The following RTF1 variants were observed in gnomAD, a reference collection of about 807,000 sequenced individuals.
RTF1 encodes RTF1 homolog, Paf1/RNA polymerase II complex component.
In RTF1, 10 loss-of-function variants were observed where a neutral mutation model predicts 95.7. The observed-to-expected ratio is 0.10, with a 90% CI of 0.06 to 0.18. The LOEUF is 0.18. Among genes scored for constraint, RTF1 ranks in the 10% least tolerant of loss-of-function variants. The pLI, the probability that RTF1 is intolerant of heterozygous loss-of-function variation, is 1.00. For synonymous variants in RTF1, 305 were observed against 311.8 expected (o/e 0.98, Z 0.23); for missense variants, 458 against 875.6 (o/e 0.52, Z 6.02).
At chr15:41,426,777 ATATATGTG>A (rs1379507144) in intron 1 of RTF1, among the ~76,000 whole-genome samples, 5 of 47,176 alleles carry the variant, frequency 1.1e-4, no homozygotes, top group African/African-American at 3.0e-4. Flanking sequence ...GCCGCTACAT[ATATATGTG>A]TGTGTGTGTG....
chr15:41,421,362 A>G (rs2050599628), intron 1 of RTF1, among the ~76,000 whole-genome samples: 1 of 152,090 alleles, frequency 6.6e-6, no homozygotes, highest in African/African-American at 2.4e-5. Context: ...AGGCTGAGGC[A>G]GGAGAATCAC....
chr15:41,471,423 GA>G (rs998942754), intron 8 of RTF1, 74 bp downstream of exon 8: 1 of 1,438,456 alleles, frequency 7.0e-7, no homozygotes, highest in Non-Finnish European at 9.4e-7. Context: ...AGGAGCTACT[GA>G]AAAAATCGAT....
At position 41,417,152 on chromosome 15, in the gene RTF1, G is replaced by A. The variant is rs1239643755; in HGVS notation, c.37G>A (p.Ala13Thr). 4 of 1,260,108 alleles carry A rather than the reference G, an allele frequency of 3.2e-6. No homozygotes were observed. Among genetic ancestry groups the A allele is most frequent in the Non-Finnish European group, 4.0e-6 (4 of 998,502 alleles). 78.1% of individuals were successfully genotyped at this position (1,260,108 alleles called of 1,614,324 possible). The change falls in exon 1 of 18, where the codon GCG (alanine) becomes ACG (threonine). Residue 13 changes from alanine to threonine, a missense_variant. Ala to Thr is a moderately conservative substitution (Grantham distance 58, BLOSUM62 0). Around this residue, in one of 11 missense-constraint regions of RTF1, gnomAD observed 81 missense variants for 59.9 expected, o/e 1.35. Coordinates refer to ENST00000389629, the MANE Select transcript of RTF1 (RefSeq NM_015138.5). ...GRLCVGRAAAAAAAVAVPLAG... is the reference protein window; with the variant it reads ...GRLCVGRAAATAAAVAVPLAG... ...CCTTTGTGTGGGTCGAGCAGCGGCGGCGGCGGCGGCAGTGGCGGTCCCACT... is the reference window on the plus strand; with the variant it reads ...CCTTTGTGTGGGTCGAGCAGCGGCGACGGCGGCGGCAGTGGCGGTCCCACT...
At chr15:41,450,013 T>A (rs541805287) in intron 2 of RTF1, among the ~76,000 whole-genome samples, 1 of 151,860 alleles carries the variant, frequency 6.6e-6, no homozygotes, top group South Asian at 2.1e-4. Flanking sequence ...CTTGGTAACA[T>A]AGTGAGACCT....
At chr15:41,435,575 T>C (rs375727992) in intron 1 of RTF1, among the ~76,000 whole-genome samples, 1 of 152,160 alleles carries the variant, frequency 6.6e-6, no homozygotes, top group Admixed American at 6.6e-5. Flanking sequence ...GAGTATGATT[T>C]CAGTCTTTCA....
chr15:41,446,825 C>T (rs938245994), intron 2 of RTF1, among the ~76,000 whole-genome samples: 4 of 144,324 alleles, frequency 2.8e-5, no homozygotes, highest in South Asian at 2.2e-4. Flanking sequence ...TTTTTTGAGA[C>T]GGAGTCTCCC....
chr15:41,417,369 C>A (rs1429436930), intron 1 of RTF1, 56 bp downstream of exon 1: 52 of 1,237,238 alleles, frequency 4.2e-5, no homozygotes, highest in Non-Finnish European at 5.3e-5. Context: ...GTCGGGGCCG[C>A]GGGAGCCGGA....
At chr15:41,456,884 G>C (rs2050820816) in intron 3 of RTF1, among the ~76,000 whole-genome samples, 1 of 152,112 alleles carries the variant, frequency 6.6e-6, no homozygotes, top group Non-Finnish European at 1.5e-5. Flanking sequence ...GAGAGATCGA[G>C]ACCATCCTGG....
At chr15:41,436,313 A>T (rs1255480084) in intron 1 of RTF1, among the ~76,000 whole-genome samples, 1 of 147,562 alleles carries the variant, frequency 6.8e-6, no homozygotes. Context: ...AAAAAAAATT[A>T]GCTGGGCTTG....
chr15:41,470,516 T>A, intron 7 of RTF1, 124 bp downstream of exon 7: 1 of 982,084 alleles, frequency 1.0e-6, no homozygotes, highest in Non-Finnish European at 1.6e-6. Context: ...TTTGGTTTGC[T>A]GAACTGAGTT....
At chr15:41,441,037 T>G (rs1288579359) in intron 2 of RTF1, among the ~76,000 whole-genome samples, 1 of 146,860 alleles carries the variant, frequency 6.8e-6, no homozygotes, top group African/African-American at 2.5e-5. Context: ...AGTGGCGTGA[T>G]CTCGGCTTAC....
At chr15:41,462,200 T>C (rs1422952702) in intron 4 of RTF1, among the ~76,000 whole-genome samples, 1 of 152,222 alleles carries the variant, frequency 6.6e-6, no homozygotes, top group Admixed American at 6.5e-5. Context: ...TGGAATTTCC[T>C]GAATCTTTTT....
intron 1 of RTF1, among the ~76,000 whole-genome samples, chr15:41,430,907 C>CT (rs1423016796): frequency 6.6e-5 from 10 of 151,738 alleles, no homozygotes; most frequent in Admixed American, 2.0e-4. Context: ...GTTTTCTTTT[C>CT]TTTTTTTTGT....
chr15:41,427,243 C>T (rs2050640096), intron 1 of RTF1, among the ~76,000 whole-genome samples: 1 of 150,604 alleles, frequency 6.6e-6, no homozygotes. Context: ...GCTCCGCCTC[C>T]CGGGTTCACG....
chr15:41,465,640 TA>T (rs556532607), intron 5 of RTF1, among the ~76,000 whole-genome samples: 63 of 146,090 alleles, frequency 4.3e-4, no homozygotes, highest in Middle Eastern at 3.5e-3. Context: ...GGCTCTGTTT[TA>T]AAAAAAAAAA....
intron 1 of RTF1, among the ~76,000 whole-genome samples, chr15:41,431,887 A>C (rs1484408142): frequency 6.8e-6 from 1 of 147,842 alleles, no homozygotes; most frequent in Non-Finnish European, 1.5e-5. Context: ...TGCAACCTTC[A>C]CCTGCCAGGT....
chr15:41,440,767 GC>G (rs2050729741), intron 2 of RTF1, among the ~76,000 whole-genome samples: 1 of 152,016 alleles, frequency 6.6e-6, no homozygotes, highest in African/African-American at 2.4e-5. Flanking sequence ...GGGATTAGAG[GC>G]GTGAGCCCTG....
chr15:41,464,933 A>AGTGT (rs67065750), intron 5 of RTF1, 48 bp downstream of exon 5: 45,942 of 1,297,986 alleles, frequency 0.035, 542 homozygotes, highest in Admixed American at 0.18. Flanking sequence ...ACCTGTTTTG[A>AGTGT]GTGTGTGTGT....
At chr15:41,460,242 C>G (rs909968002) in intron 4 of RTF1, among the ~76,000 whole-genome samples, 4 of 151,664 alleles carry the variant, frequency 2.6e-5, no homozygotes, top group Non-Finnish European at 5.9e-5. Context: ...CCTGCCTCAG[C>G]CTCCCAAGCA....
Sources: gnomAD v4.1 joint callset for allele counts (sites outside exome capture counted in the v4.1 genomes callset) on GRCh38, gnomAD v4.1.1 for gene constraint, gnomAD v4.1.1 regional missense constraint, MANE v1.5 for transcripts, NCBI Gene and HGNC (gene_info 2026-07-23, HGNC 2026-07-21) for gene names.